Variants in LHFPL3 observed in about 807,000 individuals in gnomAD.
LHFPL3 encodes LHFPL tetraspan subfamily member 3 protein.
In LHFPL3, 5 loss-of-function variants were observed where a neutral mutation model predicts 19.3. The ratio of observed to expected loss-of-function variants is 0.26; its 90% CI spans 0.14 to 0.54. LHFPL3 has a LOEUF of 0.54. LHFPL3 is among the 20% of genes least tolerant of loss of function. LHFPL3 has a pLI of 0.94. For synonymous variants in LHFPL3, 133 were observed against 126.2 expected (o/e 1.05, Z -0.36); for missense variants, 249 against 307.4 (o/e 0.81, Z 1.42).
At chr7:104,842,799 T>G (rs941985249) in intron 2 of LHFPL3, among the ~76,000 whole-genome samples, 2 of 152,258 alleles carry the variant, frequency 1.3e-5, no homozygotes, top group Admixed American at 6.5e-5. Context: ...TCTCAATTTC[T>G]GCAAACACCA....
At chr7:104,844,515 A>G (rs183914737) in intron 2 of LHFPL3, among the ~76,000 whole-genome samples, 256 of 152,332 alleles carry the variant, frequency 1.7e-3, no homozygotes, top group African/African-American at 5.8e-3. Context: ...TGCTCTATCC[A>G]TGTGTTTTTA....
At position 104,600,271 on chromosome 7, in the gene LHFPL3, T is replaced by C. The variant is rs942961303; in HGVS notation, c.446-136404T>C. On this transcript the variant is annotated intron_variant, in intron 1 of 2. Coordinates refer to ENST00000424859, the MANE Select transcript of LHFPL3 (RefSeq NM_199000.3). ...GAATACTTTCTGAGCTGGCAACTTT[T>C]CGAGAGTTAATCTCTCATCTTTTCC... Among the ~76,000 whole-genome samples, 19 of 152,246 alleles carry C rather than the reference T, an allele frequency of 1.2e-4. 1 individual carries two copies. The highest frequency in any genetic ancestry group is 4.3e-4 in the African/African-American group (18 of 41,464).
At chr7:104,734,413 C>T (rs188084217) in intron 1 of LHFPL3, among the ~76,000 whole-genome samples, 14 of 152,266 alleles carry the variant, frequency 9.2e-5, no homozygotes, top group East Asian at 3.9e-4. Context: ...AGACCTTGTT[C>T]GTTTCTTTTT....
At chr7:104,700,172 C>G (rs1793075943) in intron 1 of LHFPL3, among the ~76,000 whole-genome samples, 1 of 152,222 alleles carries the variant, frequency 6.6e-6, no homozygotes, top group African/African-American at 2.4e-5. Flanking sequence ...ACAAGAGGAG[C>G]TGCCTTGAGC....
chr7:104,864,856 G>T (rs1021382542), intron 2 of LHFPL3, among the ~76,000 whole-genome samples: 10 of 152,164 alleles, frequency 6.6e-5, no homozygotes, highest in African/African-American at 2.4e-4. Flanking sequence ...TCACACGGCC[G>T]GGTACTCCTC....
chr7:104,384,934 T>A (rs1349032963), intron 1 of LHFPL3, among the ~76,000 whole-genome samples: 1 of 152,098 alleles, frequency 6.6e-6, no homozygotes, highest in East Asian at 1.9e-4. Flanking sequence ...TTTTTGGCAT[T>A]AGAAAGGTAA....
In LHFPL3 at chr7:104,620,773, G is replaced by T. The variant is rs1584444276; in HGVS notation, c.446-115902G>T. On this transcript the variant is annotated intron_variant, in intron 1 of 2. Transcript: ENST00000424859. ...CCTGTGTGTCGGAGTACAGTTTGGG[G>T]GTTTATGATCAAAGAGAAGGCTAAA... 2.0e-5 allele frequency among the ~76,000 whole-genome samples: 3 copies of T among 152,170 alleles called. No individual in the cohort carries two copies. In the East Asian group the frequency reaches 5.8e-4, roughly 29 times the overall value.
chr7:104,755,533 GTCTGTCTCTCTC>G (rs1179808619), intron 2 of LHFPL3, among the ~76,000 whole-genome samples: 1 of 151,870 alleles, frequency 6.6e-6, no homozygotes, highest in Non-Finnish European at 1.5e-5. Context: ...CTGTCTGTCT[GTCTGTCTCTCTC>G]TCTGTCTCTC....
At chr7:104,870,903 C>G (rs1791822788) in intron 2 of LHFPL3, among the ~76,000 whole-genome samples, 1 of 152,180 alleles carries the variant, frequency 6.6e-6, no homozygotes, top group South Asian at 2.1e-4. Flanking sequence ...TGTAACCTCT[C>G]ATCCTCACCT....
Position 104,446,353 on chromosome 7 carries a change from T to C in LHFPL3, c.445+117129T>C, listed in dbSNP as rs576434275. On this transcript the variant is annotated intron_variant, in intron 1 of 2. Transcript: ENST00000424859. The stretch of plus-strand genomic sequence containing the variant: ...AGAGCTGTGTTGTTACAGAACACAC[T>C]CCTTCAACCTAGCATTGTTCTTTTC... 6.8e-4 allele frequency among the ~76,000 whole-genome samples: 104 copies of C among 152,288 alleles called. 3 individuals are homozygous for C. The South Asian group carries it at 0.02, about 29-fold the overall frequency.
rs549005248 is a variant in LHFPL3, at chr7:104,791,565, A to G, written c.682+54654A>G. On this transcript the variant is annotated intron_variant, in intron 2 of 2. Coordinates refer to ENST00000424859, the MANE Select transcript of LHFPL3 (RefSeq NM_199000.3). ...CTTTGGAAGCAATGGATCTAGAAAA[A>G]TAGTGCTTTTCTGTATCTAGAAAAA... Among the ~76,000 whole-genome samples, 3 of 152,310 alleles carry G rather than the reference A, an allele frequency of 2.0e-5. 1 individual carries two copies. The highest frequency in any genetic ancestry group is 7.2e-5 in the African/African-American group (3 of 41,570).
intron 2 of LHFPL3, among the ~76,000 whole-genome samples, chr7:104,881,942 AGT>A (rs1212284802): frequency 1.3e-5 from 2 of 152,176 alleles, no homozygotes; most frequent in Non-Finnish European, 2.9e-5. Flanking sequence ...TTTTAAATTA[AGT>A]ATGTATATTT....
At chr7:104,507,839 C>T (rs1331949813) in intron 1 of LHFPL3, among the ~76,000 whole-genome samples, 5 of 114,036 alleles carry the variant, frequency 4.4e-5, no homozygotes, top group Admixed American at 3.1e-4. Flanking sequence ...ATTTATGCAG[C>T]CAAAAAACAC....
chr7:104,706,983 G>C (rs1450112703), intron 1 of LHFPL3, among the ~76,000 whole-genome samples: 1 of 152,076 alleles, frequency 6.6e-6, no homozygotes, highest in Non-Finnish European at 1.5e-5. Context: ...CCAATATCCT[G>C]GTCCCTCAGT....
At chr7:104,472,993 T>G (rs912745720) in intron 1 of LHFPL3, among the ~76,000 whole-genome samples, 1 of 152,190 alleles carries the variant, frequency 6.6e-6, no homozygotes, top group Non-Finnish European at 1.5e-5. Flanking sequence ...TAACAAATAT[T>G]AATGATACTA....
intron 1 of LHFPL3, among the ~76,000 whole-genome samples, chr7:104,524,700 C>T (rs975114581): frequency 3.3e-5 from 5 of 152,130 alleles, no homozygotes; most frequent in Non-Finnish European, 2.9e-5. Context: ...AATTACGATG[C>T]TACTTTGAAT....
intron 2 of LHFPL3, among the ~76,000 whole-genome samples, chr7:104,867,917 G>C (rs1791758747): frequency 6.6e-6 from 1 of 152,182 alleles, no homozygotes. Context: ...TGCAAGGCTG[G>C]TTCAACATAT....
intron 1 of LHFPL3, among the ~76,000 whole-genome samples, chr7:104,614,342 GC>G (rs1791267623): frequency 6.6e-6 from 1 of 152,114 alleles, no homozygotes; most frequent in Admixed American, 6.6e-5. Flanking sequence ...CTTAGTGATA[GC>G]CCCAAAAGTC....
chr7:104,593,324 T>C (rs1451270949), intron 1 of LHFPL3, among the ~76,000 whole-genome samples: 1 of 152,202 alleles, frequency 6.6e-6, no homozygotes, highest in Non-Finnish European at 1.5e-5. Context: ...AGCAGGTTGT[T>C]CAGTTTCGAT....
Sources: gnomAD v4.1 joint callset for allele counts (sites outside exome capture counted in the v4.1 genomes callset) on GRCh38, gnomAD v4.1.1 for gene constraint, MANE v1.5 for transcripts, NCBI Gene and HGNC (gene_info 2026-07-23, HGNC 2026-07-21) for gene names.